Variants in PEMT observed in about 807,000 individuals in gnomAD.
PEMT encodes phospholipid methyltransferase.
In PEMT, 23 loss-of-function variants were observed where a neutral mutation model predicts 27.4. That is an observed-to-expected ratio of 0.84 (90% confidence interval 0.60 to 1.19). The LOEUF is 1.19. Among genes scored for constraint, PEMT ranks in the 50% most tolerant of loss-of-function variants. The probability of loss-of-function intolerance (pLI) is 0.00; values close to 1 mark genes in which losing one functional copy is unlikely to be tolerated. For missense variants in PEMT, 307 were observed against 310.1 expected, an observed-to-expected ratio of 0.99 and a Z score of 0.07; for synonymous variants, 137 against 139.1, an observed-to-expected ratio of 0.98 and a Z score of 0.11.
intron 2 of PEMT, among the ~76,000 whole-genome samples, chr17:17,528,974 C>A (rs1195089728): frequency 6.6e-6 from 1 of 152,232 alleles, no homozygotes; most frequent in Non-Finnish European, 1.5e-5. Flanking sequence ...ATGTGCACGC[C>A]AAGTGCTGTC....
At chr17:17,531,620 GCA>G (rs1491231960) in intron 2 of PEMT, among the ~76,000 whole-genome samples, 2,736 of 19,998 alleles carry the variant, frequency 0.14, 32 homozygotes, top group Admixed American at 0.17. Flanking sequence ...GCTATCATAT[GCA>G]AAAAAAAAAA....
chr17:17,571,309 C>T (rs1043889813), intron 2 of PEMT, among the ~76,000 whole-genome samples: 1 of 152,124 alleles, frequency 6.6e-6, no homozygotes, highest in Non-Finnish European at 1.5e-5. Flanking sequence ...AGCATCGTGG[C>T]GCACAGGAAG....
intron 5 of PEMT, chr17:17,508,807 C>T: frequency 4.3e-6 from 2 of 462,100 alleles, no homozygotes; most frequent in Non-Finnish European, 9.0e-6. Context: ...CACGGGGCCC[C>T]CTCTGTGGGA....
At chr17:17,568,283 T>A (rs2142717583) in intron 2 of PEMT, among the ~76,000 whole-genome samples, 1 of 152,256 alleles carries the variant, frequency 6.6e-6, no homozygotes, top group South Asian at 2.1e-4. Context: ...CATCACCTCC[T>A]CCAGCCCCCA....
Position 17,518,729 on chromosome 17 carries a change from T to C in PEMT, c.320+3551A>G, listed in dbSNP as rs115343732. ...CCGACTCCTGCTGGGTGCAGAGGCT[T>C]TTGAGCACAGCCTGGACCCCACAAA... is the stretch of plus-strand genomic sequence containing the variant. On this transcript the variant is annotated intron_variant, in intron 3 of 6. Transcript: ENST00000255389. Among the ~76,000 whole-genome samples, 222 of 152,218 alleles carry C rather than the reference T, an allele frequency of 1.5e-3. 1 individual carries two copies. Among genetic ancestry groups the C allele is most frequent in the African/African-American group, 4.9e-3 (205 of 41,528 alleles).
At chr17:17,559,318 C>T (rs1438609981) in intron 2 of PEMT, among the ~76,000 whole-genome samples, 2 of 152,248 alleles carry the variant, frequency 1.3e-5, no homozygotes, top group Non-Finnish European at 2.9e-5. Flanking sequence ...GAGATCAACA[C>T]CACTGTACCC....
At chr17:17,570,626 C>T (rs2142724796) in intron 2 of PEMT, 1 of 985,286 alleles carries the variant, frequency 1.0e-6, no homozygotes, top group East Asian at 1.1e-4. Context: ...AGCCAGATCA[C>T]CCAGAAAGGC....
chr17:17,535,926 A>ACGGTCCCCAACTTCCCTAAGGGTGC (rs1359596524), intron 2 of PEMT, among the ~76,000 whole-genome samples: 6 of 152,336 alleles, frequency 3.9e-5, no homozygotes, highest in African/African-American at 1.2e-4. Context: ...CCTAAGGGTG[A>ACGGTCCCCAACTTCCCTAAGGGTGC]CAGTCCCCAT....
Position 17,505,636 on chromosome 17 carries a change from CAG to C in PEMT, c.*153_*154del. On this transcript the variant is annotated 3_prime_UTR_variant, in exon 7 of 7. Coordinates refer to ENST00000255389, the MANE Select transcript of PEMT (RefSeq NM_148172.3). ...CTCAATGGCCATATGTCGGCACGTC[CAG>C]GGTCCCCAAGGCAGCAGGTTCCAAG... 1 of 770,320 alleles carries C rather than the reference CAG, an allele frequency of 1.3e-6. No individual in the cohort carries two copies. The highest frequency in any genetic ancestry group is 1.9e-6 in the Non-Finnish European group (1 of 529,246). The allele number at this position is 770,320 out of a possible 1,614,324, so 47.7% of individuals were successfully genotyped here. A position where few individuals can be genotyped will look rare whatever the true frequency, so the allele number is the denominator to read the frequency against.
rs779284939 is a variant in PEMT, at chr17:17,506,199, G to A, written c.653+28C>T. ...GAGACAGGGCCAGTCGGGCAGCCAC[G>A]CCCCCACCCGCCGCAGCCCCTACTC... On this transcript the variant is annotated intron_variant, in intron 6 of 6. Coordinates refer to ENST00000255389, the MANE Select transcript of PEMT (RefSeq NM_148172.3). 1.4e-5 allele frequency: 21 copies of A among 1,503,198 alleles called. No homozygotes were observed. The South Asian group carries it at 1.9e-4, about 14-fold the overall frequency. 93.1% of individuals were successfully genotyped at this position (1,503,198 alleles called of 1,614,324 possible). A position where few individuals can be genotyped will look rare whatever the true frequency, so the allele number is the denominator to read the frequency against.
chr17:17,509,890 G>C (rs1010329953), intron 4 of PEMT, among the ~76,000 whole-genome samples: 4 of 152,134 alleles, frequency 2.6e-5, no homozygotes, highest in Non-Finnish European at 4.4e-5. Context: ...TCTGTACAGA[G>C]AGCGCCTTTC....
chr17:17,571,547 G>A (rs1911193561), intron 2 of PEMT, among the ~76,000 whole-genome samples: 1 of 152,080 alleles, frequency 6.6e-6, no homozygotes, highest in Non-Finnish European at 1.5e-5. Context: ...GGACGGAGTG[G>A]GTGCTGATGA....
chr17:17,591,556 C>A lies in PEMT; in HGVS notation c.71G>T (p.Gly24Val), dbSNP rs1217800674. 2.5e-6 allele frequency: 4 copies of A among 1,613,684 alleles called. No individual in the cohort carries two copies. The highest frequency in any genetic ancestry group is 2.2e-5 in the East Asian group (1 of 44,866). Residue 24 changes from glycine (G) to valine (V), a missense_variant, in exon 1 of 7, where the codon GGC (glycine) becomes GTC (valine). Gly to Val is a moderately radical substitution (Grantham distance 109). Coordinates refer to ENST00000255389, the MANE Select transcript of PEMT (RefSeq NM_148172.3). ...SSVAGPDCCG[G>V]LGNIDFRQAD... is the part of the protein sequence containing the mutation. Reference sequence around the variant, plus strand: ...CTGTCTAAAATCAATATTGCCGAGGCCTCCGCAGCAGTCAGGCCCTGCCAC... The same window carrying A: ...CTGTCTAAAATCAATATTGCCGAGGACTCCGCAGCAGTCAGGCCCTGCCAC...
intron 2 of PEMT, among the ~76,000 whole-genome samples, chr17:17,532,431 C>T (rs1035010427): frequency 6.6e-6 from 1 of 152,096 alleles, no homozygotes; most frequent in African/African-American, 2.4e-5. Flanking sequence ...TTTACTATAG[C>T]AATTAAAGGA....
upstream of PEMT, chr17:17,591,822 A>G: frequency 1.4e-6 from 2 of 1,404,430 alleles, no homozygotes; most frequent in Non-Finnish European, 1.8e-6. Context: ...GACAGCGTCT[A>G]GAGGAGCCGA....
intron 1 of PEMT, among the ~76,000 whole-genome samples, chr17:17,587,147 T>C (rs181621520): frequency 4.6e-5 from 7 of 152,170 alleles, no homozygotes; most frequent in Admixed American, 3.9e-4. Flanking sequence ...AGCTGGTTCT[T>C]TGGGGAAAAT....
intron 2 of PEMT, among the ~76,000 whole-genome samples, chr17:17,542,833 G>A (rs985979215): frequency 2.6e-5 from 4 of 152,188 alleles, no homozygotes; most frequent in Non-Finnish European, 4.4e-5. Context: ...CCTTTGCACC[G>A]TTCGGCCACC....
At chr17:17,565,964 A>G (rs1910800951) in intron 2 of PEMT, among the ~76,000 whole-genome samples, 1 of 152,178 alleles carries the variant, frequency 6.6e-6, no homozygotes, top group Non-Finnish European at 1.5e-5. Flanking sequence ...TTGGAGCCCA[A>G]ACCCTTTTAC....
intron 2 of PEMT, among the ~76,000 whole-genome samples, chr17:17,533,721 C>G (rs540917464): frequency 7.1e-6 from 1 of 141,040 alleles, no homozygotes; most frequent in Admixed American, 7.3e-5. Context: ...GAAGGCAGTT[C>G]GGCAGTGTCT....
Sources: gnomAD v4.1 joint callset for allele counts (sites outside exome capture counted in the v4.1 genomes callset) on GRCh38, gnomAD v4.1.1 for gene constraint, MANE v1.5 for transcripts, NCBI Gene and HGNC (gene_info 2026-07-23, HGNC 2026-07-21) for gene names.